Variants in LUZP2 observed in about 807,000 individuals in gnomAD.
LUZP2 encodes the protein leucine zipper protein 2.
Under a neutral mutation model 51.6 loss-of-function variants are expected in LUZP2, and 52 were observed. That is an observed-to-expected ratio of 1.01 (90% CI 0.81 to 1.27). The LOEUF is 1.27. Ranked by LOEUF, LUZP2 falls within the 50% of genes most tolerant of loss-of-function variation. The pLI is 0.00. For synonymous variants in LUZP2, 154 were observed against 137.3 expected (o/e 1.12, Z -0.85); for missense variants, 436 against 395.4 (o/e 1.10, Z -0.87).
At chr11:24,701,092 A>G (rs1857407598) in intron 1 of LUZP2, among the ~76,000 whole-genome samples, 1 of 152,222 alleles carries the variant, frequency 6.6e-6, no homozygotes, top group Non-Finnish European at 1.5e-5. Flanking sequence ...CAGAAATACC[A>G]AAGGCTGGGT....
At chr11:24,595,595 A>G (rs1003240126) in intron 1 of LUZP2, among the ~76,000 whole-genome samples, 3 of 152,212 alleles carry the variant, frequency 2.0e-5, no homozygotes, top group Admixed American at 2.0e-4. Context: ...TTTAACTTCA[A>G]TGTTCAAATA....
intron 5 of LUZP2, among the ~76,000 whole-genome samples, chr11:24,846,019 G>A (rs1851187757): frequency 6.6e-6 from 1 of 151,844 alleles, no homozygotes; most frequent in Admixed American, 6.6e-5. Flanking sequence ...TATTTTTATG[G>A]TAAGTTATCA....
intron 7 of LUZP2, among the ~76,000 whole-genome samples, chr11:24,926,357 G>GTGTGTATATATATATACT (rs1854250706): frequency 6.2e-5 from 2 of 32,412 alleles, no homozygotes; most frequent in Non-Finnish European, 1.1e-4. Context: ...ATATATATAC[G>GTGTGTATATATATATACT]TGTGTATATA....
At chr11:24,876,879 G>A (rs879422120) in intron 5 of LUZP2, among the ~76,000 whole-genome samples, 1 of 152,102 alleles carries the variant, frequency 6.6e-6, no homozygotes, top group South Asian at 2.1e-4. Context: ...GGACCAAACA[G>A]GAACGGACAA....
intron 1 of LUZP2, among the ~76,000 whole-genome samples, chr11:24,622,993 A>C (rs1854550654): frequency 6.6e-6 from 1 of 152,126 alleles, no homozygotes; most frequent in African/African-American, 2.4e-5. Context: ...TCTTGATGCA[A>C]ATGTTACATT....
At chr11:24,687,040 ATAT>A (rs1418025998) in intron 1 of LUZP2, among the ~76,000 whole-genome samples, 1 of 152,180 alleles carries the variant, frequency 6.6e-6, no homozygotes, top group Admixed American at 6.6e-5. Flanking sequence ...AGTGTCTGAG[ATAT>A]TATTAGGAAA....
At chr11:24,533,517 T>C (rs1377058159) in intron 1 of LUZP2, among the ~76,000 whole-genome samples, 2 of 151,382 alleles carry the variant, frequency 1.3e-5, no homozygotes, top group Non-Finnish European at 3.0e-5. Flanking sequence ...CAAACTGCTT[T>C]CTTAAATTTT....
intron 5 of LUZP2, among the ~76,000 whole-genome samples, chr11:24,827,785 T>C (rs564873247): frequency 5.3e-5 from 8 of 152,190 alleles, no homozygotes; most frequent in African/African-American, 1.7e-4. Context: ...TTAACCATAT[T>C]AATGTTTGAG....
intron 7 of LUZP2, among the ~76,000 whole-genome samples, chr11:24,948,173 T>A (rs1854951011): frequency 6.6e-6 from 1 of 151,734 alleles, no homozygotes; most frequent in African/African-American, 2.4e-5. Context: ...TTCCTTATTA[T>A]TTTTTCCTCC....
At position 24,983,198 on chromosome 11, in the gene LUZP2, C is replaced by A. The variant is rs770809721; in HGVS notation, c.670C>A (p.Pro224Thr). ...ATCTGTTTTCCGTGATCAGCCTCCT[C>A]CCCCTTTGAGTTTAATCACATCAAA... Reference protein sequence around the residue: ...LTSVFRDQPPPPLSLITSNPT... With the variant: ...LTSVFRDQPPTPLSLITSNPT... The change falls in exon 9 of 12, where the codon CCC (proline) becomes ACC (threonine). Residue 224 changes from proline (P) to threonine (T), a missense_variant. Pro to Thr is a conservative substitution (Grantham distance 38). Coordinates refer to ENST00000336930, the MANE Select transcript of LUZP2 (RefSeq NM_001009909.4). The A allele has an allele frequency of 1.2e-6, 2 of 1,612,304 alleles. No individual in the cohort carries two copies. Among genetic ancestry groups the A allele is most frequent in the South Asian group, 2.2e-5 (2 of 91,032 alleles).
At chr11:24,662,598 AT>A (rs2133984973) in intron 1 of LUZP2, among the ~76,000 whole-genome samples, 1 of 152,266 alleles carries the variant, frequency 6.6e-6, no homozygotes, top group East Asian at 1.9e-4. Flanking sequence ...TATTCCAAAA[AT>A]AATGTTTTTA....
chr11:24,852,548 A>G (rs1295550502), intron 5 of LUZP2, among the ~76,000 whole-genome samples: 1 of 152,052 alleles, frequency 6.6e-6, no homozygotes, highest in East Asian at 1.9e-4. Flanking sequence ...TTTTAGAATA[A>G]GTGATGTGGT....
At chr11:24,532,122 C>CT (rs1485962143) in intron 1 of LUZP2, among the ~76,000 whole-genome samples, 1 of 150,652 alleles carries the variant, frequency 6.6e-6, no homozygotes, top group East Asian at 1.9e-4. Flanking sequence ...TATTTTGCCA[C>CT]TTTTTTAAAT....
chr11:24,989,587 A>G lies in LUZP2; in HGVS notation c.765+6294A>G, dbSNP rs538142307. Among the ~76,000 whole-genome samples, 10 of 152,260 alleles carry G rather than the reference A, an allele frequency of 6.6e-5. No homozygotes were observed. The South Asian group carries it at 2.1e-3, about 32-fold the overall frequency. On this transcript the variant is annotated intron_variant, in intron 9 of 11. Transcript: ENST00000336930. ...TGCTTCCTATGTGGAGATAGAACAGACAAATATGGACTCTGTGAAAGCCAT... is the reference window on the plus strand; with the variant it reads ...TGCTTCCTATGTGGAGATAGAACAGGCAAATATGGACTCTGTGAAAGCCAT...
At position 25,078,661 on chromosome 11, in the gene LUZP2, A is replaced by G. The variant is rs376796804; in HGVS notation, c.*3A>G. ...CTAGAGAAGAAAAAATACTGTAAAT[A>G]CTAAGAAACTGTGTTAAAAACGTCC... On this transcript the variant is annotated 3_prime_UTR_variant, in exon 12 of 12. Coordinates refer to ENST00000336930, the MANE Select transcript of LUZP2 (RefSeq NM_001009909.4). 1.9e-6 allele frequency: 3 copies of G among 1,588,496 alleles called. No individual in the cohort carries two copies.
chr11:24,824,403 C>A (rs1850464774), intron 5 of LUZP2, among the ~76,000 whole-genome samples: 2 of 67,414 alleles, frequency 3.0e-5, no homozygotes, highest in South Asian at 4.5e-4. Context: ...ATGAGTGGTA[C>A]CATTTACTGT....
At chr11:24,784,401 G>A (rs1182059355) in intron 5 of LUZP2, among the ~76,000 whole-genome samples, 1 of 151,698 alleles carries the variant, frequency 6.6e-6, no homozygotes, top group East Asian at 1.9e-4. Context: ...AGGGTATATT[G>A]TCATCAGTCT....
intron 1 of LUZP2, among the ~76,000 whole-genome samples, chr11:24,512,321 A>G (rs1374785182): frequency 7.0e-6 from 1 of 142,040 alleles, no homozygotes. Context: ...AGTCTTTAAT[A>G]TCTACTCCAA....
intron 6 of LUZP2, 83 bp from the exon 7 acceptor site, chr11:24,914,393 C>T (rs1327678121): frequency 9.8e-7 from 1 of 1,015,640 alleles, no homozygotes; most frequent in East Asian, 2.5e-5. Context: ...AAAATGTATT[C>T]CTGTGAAGTC....
Sources: allele counts gnomAD v4.1 joint callset (sites outside exome capture counted in the v4.1 genomes callset), GRCh38; gene constraint gnomAD v4.1.1; transcripts MANE v1.5; gene names NCBI Gene and HGNC (gene_info 2026-07-23, HGNC 2026-07-21).